Variants in TENM4 observed in about 807,000 individuals in gnomAD.
The protein encoded by TENM4 is teneurin-4.
A neutral mutation model predicts 243.3 loss-of-function variants in TENM4; 82 were observed. The ratio of observed to expected loss-of-function variants is 0.34; its 90% CI spans 0.28 to 0.40. The LOEUF (loss-of-function observed/expected upper bound fraction) is 0.40, where lower values mean the gene tolerates loss of function less well. TENM4 is among the 10% of genes least tolerant of loss of function. TENM4 has a pLI of 1.00. For missense variants in TENM4, 3,138 were observed against 3,673.3 expected (o/e 0.85, Z 3.77); for synonymous variants, 1,412 against 1,456.3 (o/e 0.97, Z 0.69).
intron 4 of TENM4, among the ~76,000 whole-genome samples, chr11:79,113,600 C>T (rs938554424): frequency 1.3e-5 from 2 of 151,322 alleles, no homozygotes; most frequent in Admixed American, 6.6e-5. Context: ...ATTCATGAAA[C>T]GCACAATTAA....
Position 78,658,764 on chromosome 11 carries a change from G to C in TENM4, c.7604C>G (p.Thr2535Ser). 6.2e-7 allele frequency: 1 copy of C among 1,614,002 alleles called. No individual in the cohort carries two copies. The highest frequency in any genetic ancestry group is 1.3e-5 in the African/African-American group (1 of 75,046). Residue 2535 changes from threonine (T) to serine (S), a missense_variant, in exon 34 of 34, where the codon ACC (threonine) becomes AGC (serine). Physicochemically the swap from Thr to Ser is moderately conservative, Grantham distance 58 (BLOSUM62 1). Coordinates refer to ENST00000278550, the MANE Select transcript of TENM4 (RefSeq NM_001098816.3). ...EVQKQLKAFVTLERFDQLYGS... is the reference protein window; with the variant it reads ...EVQKQLKAFVSLERFDQLYGS... ...ATAGAGCTGGTCAAACCGTTCTAAG[G>C]TGACAAAGGCCTTGAGCTGCTTCTG...
chr11:78,673,975 GT>G (rs1381963197), intron 30 of TENM4, among the ~76,000 whole-genome samples: 1 of 152,230 alleles, frequency 6.6e-6, no homozygotes, highest in African/African-American at 2.4e-5. Context: ...CTGAAGCTGT[GT>G]TATTTGCAGA....
rs776222841 is a variant in TENM4, at chr11:78,886,800, A to G, written c.1084+2985T>C. On this transcript the variant is annotated intron_variant, in intron 9 of 33. Transcript: ENST00000278550. ...AGTCCAAGTATTTCGACACAGACAC[A>G]ATATTATCTGTGTAGAAATATCTGT... Among the ~76,000 whole-genome samples the G allele has an allele frequency of 5.2e-4, 79 of 152,210 alleles. 2 individuals carry two copies. Among genetic ancestry groups the G allele is most frequent in the Non-Finnish European group, 3.4e-4 (23 of 68,040 alleles).
intron 6 of TENM4, among the ~76,000 whole-genome samples, chr11:79,007,033 G>T (rs965816052): frequency 2.0e-5 from 3 of 152,172 alleles, no homozygotes; most frequent in African/African-American, 7.2e-5. Context: ...AAACCCTGCA[G>T]CAGATGGCCT....
chr11:79,115,497 C>G (rs1861599835), intron 4 of TENM4, among the ~76,000 whole-genome samples: 1 of 152,176 alleles, frequency 6.6e-6, no homozygotes, highest in East Asian at 1.9e-4. Flanking sequence ...TTGTTCTTTT[C>G]TTCTGATGCT....
chr11:78,701,140 T>C (rs970276308), intron 28 of TENM4, among the ~76,000 whole-genome samples: 1 of 152,208 alleles, frequency 6.6e-6, no homozygotes, highest in African/African-American at 2.4e-5. Context: ...CTTCTCCCCT[T>C]GCCACATTTG....
In TENM4 at chr11:78,653,224, G is replaced by C. The variant is rs981585659; in HGVS notation, c.*4834C>G. Reference sequence around the variant, plus strand: ...GGGAAGTGCAAACCCAGGATGGCTCGGGGGCTGGGACAGGCAAGAGGAAGC... The same window carrying C: ...GGGAAGTGCAAACCCAGGATGGCTCCGGGGCTGGGACAGGCAAGAGGAAGC... On this transcript the variant is annotated 3_prime_UTR_variant, in exon 34 of 34. Transcript: ENST00000278550. 5 of 152,192 alleles carry C rather than the reference G, an allele frequency of 3.3e-5. No homozygotes were observed. The highest frequency in any genetic ancestry group is 7.3e-5 in the Non-Finnish European group (5 of 68,046). 9.4% of individuals were successfully genotyped at this position (152,192 alleles called of 1,614,324 possible).
At chr11:79,362,301 T>A (rs533310654) in intron 1 of TENM4, among the ~76,000 whole-genome samples, 24 of 152,318 alleles carry the variant, frequency 1.6e-4, no homozygotes, top group African/African-American at 5.8e-4. Context: ...AGCTGCTGCA[T>A]GTCAGCAGAG....
chr11:79,091,681 G>C (rs1860954871), intron 4 of TENM4, among the ~76,000 whole-genome samples: 1 of 151,990 alleles, frequency 6.6e-6, no homozygotes, highest in African/African-American at 2.4e-5. Flanking sequence ...TAGATCCCCA[G>C]GTGACTCCTA....
At chr11:78,925,355 A>T (rs895606451) in intron 6 of TENM4, among the ~76,000 whole-genome samples, 3 of 152,052 alleles carry the variant, frequency 2.0e-5, no homozygotes, top group Admixed American at 1.3e-4. Flanking sequence ...TAGTAGTAGT[A>T]GTTTTCCTGT....
At chr11:78,788,417 T>A (rs1038542014) in intron 15 of TENM4, among the ~76,000 whole-genome samples, 2 of 152,250 alleles carry the variant, frequency 1.3e-5, no homozygotes, top group African/African-American at 4.8e-5. Context: ...AAGGGACATC[T>A]CTGACCTGGA....
intron 6 of TENM4, among the ~76,000 whole-genome samples, chr11:78,931,743 A>G (rs1422889460): frequency 6.6e-6 from 1 of 152,228 alleles, no homozygotes; most frequent in East Asian, 1.9e-4. Context: ...AATCAGACAG[A>G]TCAGGATTTC....
At chr11:78,847,030 C>T (rs1242763535) in intron 12 of TENM4, among the ~76,000 whole-genome samples, 1 of 152,192 alleles carries the variant, frequency 6.6e-6, no homozygotes, top group African/African-American at 2.4e-5. Context: ...TGCTTTCCTA[C>T]TTCCTTATCT....
intron 1 of TENM4, among the ~76,000 whole-genome samples, chr11:79,322,750 A>G (rs1397548169): frequency 1.3e-5 from 2 of 152,238 alleles, no homozygotes; most frequent in African/African-American, 4.8e-5. Context: ...CTAGAAGTCT[A>G]CAAGGACAAT....
chr11:79,423,980 C>G (rs1472369889), intron 1 of TENM4, among the ~76,000 whole-genome samples: 2 of 152,128 alleles, frequency 1.3e-5, no homozygotes, highest in African/African-American at 4.8e-5. Flanking sequence ...CTACTTTGTG[C>G]CAGGCTCCCT....
intron 1 of TENM4, among the ~76,000 whole-genome samples, chr11:79,406,457 T>C (rs1467228137): frequency 6.6e-6 from 1 of 152,198 alleles, no homozygotes; most frequent in African/African-American, 2.4e-5. Context: ...TGAACAAGCA[T>C]TGGCGAGGTA....
intron 12 of TENM4, among the ~76,000 whole-genome samples, chr11:78,840,751 C>G (rs1858239605): frequency 6.6e-6 from 1 of 151,836 alleles, no homozygotes; most frequent in South Asian, 2.1e-4. Flanking sequence ...TGAAAGGAAA[C>G]ACGGGGGTAC....
At chr11:78,795,223 C>T (rs1857138334) in intron 15 of TENM4, among the ~76,000 whole-genome samples, 1 of 152,202 alleles carries the variant, frequency 6.6e-6, no homozygotes, top group Non-Finnish European at 1.5e-5. Context: ...CTCCCTTTCT[C>T]AGGGTTATTA....
intron 18 of TENM4, among the ~76,000 whole-genome samples, chr11:78,768,606 A>G (rs1417892063): frequency 2.0e-5 from 3 of 152,218 alleles, no homozygotes; most frequent in African/African-American, 7.2e-5. Flanking sequence ...CTTGGTTAAC[A>G]TTGGTTGAGT....
Sources: gnomAD v4.1 joint callset for allele counts (sites outside exome capture counted in the v4.1 genomes callset) on GRCh38, gnomAD v4.1.1 for gene constraint, MANE v1.5 for transcripts, NCBI Gene and HGNC (gene_info 2026-07-23, HGNC 2026-07-21) for gene names.